Variants in ATP9B observed in about 807,000 individuals in gnomAD.
The protein encoded by ATP9B is probable phospholipid-transporting ATPase IIB.
Under a neutral mutation model 146.1 loss-of-function variants are expected in ATP9B, and 110 were observed. That is an observed-to-expected ratio of 0.75 (90% CI 0.65 to 0.88). The LOEUF is 0.88. ATP9B is among the 40% of genes least tolerant of loss of function. The pLI is 0.00. For missense variants in ATP9B, 1,499 were observed against 1,496.4 expected, an observed-to-expected ratio of 1.00 and a Z score of -0.03; for synonymous variants, 604 against 569.7, an observed-to-expected ratio of 1.06 and a Z score of -0.86.
chr18:79,314,008 C>T (rs1449556286), intron 15 of ATP9B, among the ~76,000 whole-genome samples: 1 of 152,116 alleles, frequency 6.6e-6, no homozygotes, highest in Non-Finnish European at 1.5e-5. Context: ...GTTAGGTTGA[C>T]GGATGATAGT....
rs530812497 is a variant in ATP9B at position 79,122,598 on chromosome 18, T to C, written c.559-3669T>C. 2.6e-3 allele frequency among the ~76,000 whole-genome samples: 393 copies of C among 152,352 alleles called. 3 individuals carry two copies. The highest frequency in any genetic ancestry group is 4.0e-3 in the Non-Finnish European group (271 of 68,022). ...TTTTCATATTCATGCTGTGATCCTA[T>C]AATTTTTCCTTTAAGATAAGTTTCT... On this transcript the variant is annotated intron_variant, in intron 4 of 29. Coordinates refer to ENST00000426216, the MANE Select transcript of ATP9B (RefSeq NM_198531.5).
At chr18:79,345,719 T>C (rs2096882463) in intron 22 of ATP9B, 56 bp from the exon 23 acceptor site, 1 of 1,608,586 alleles carries the variant, frequency 6.2e-7, no homozygotes, top group Admixed American at 1.7e-5. Context: ...ATGGTAAAAA[T>C]GAAAAACGTG....
At chr18:79,151,902 T>C (rs998785450) in intron 6 of ATP9B, among the ~76,000 whole-genome samples, 4 of 152,140 alleles carry the variant, frequency 2.6e-5, no homozygotes, top group Non-Finnish European at 5.9e-5. Flanking sequence ...ACCTACAGAA[T>C]GGGAGAAAAT....
intron 4 of ATP9B, among the ~76,000 whole-genome samples, chr18:79,114,359 A>C (rs1188671868): frequency 6.6e-6 from 1 of 152,146 alleles, no homozygotes; most frequent in Non-Finnish European, 1.5e-5. Flanking sequence ...GTGAAAGAAG[A>C]GTGCAGTCCT....
intron 17 of ATP9B, among the ~76,000 whole-genome samples, chr18:79,333,176 G>T (rs1044190928): frequency 1.3e-5 from 2 of 152,174 alleles, no homozygotes; most frequent in Non-Finnish European, 2.9e-5. Flanking sequence ...GTTTCCAAAT[G>T]TGCGGCTGTG....
chr18:79,160,103 A>G (rs1416390980), intron 7 of ATP9B, among the ~76,000 whole-genome samples: 1 of 152,146 alleles, frequency 6.6e-6, no homozygotes, highest in African/African-American at 2.4e-5. Flanking sequence ...TTGTTGCTCC[A>G]TTACTGCCTT....
At chr18:79,196,931 G>A (rs1462701000) in intron 9 of ATP9B, among the ~76,000 whole-genome samples, 3 of 152,180 alleles carry the variant, frequency 2.0e-5, no homozygotes, top group African/African-American at 7.2e-5. Flanking sequence ...AGTGGGTCAG[G>A]TGGACAGAAA....
intron 26 of ATP9B, among the ~76,000 whole-genome samples, chr18:79,368,247 G>T (rs1600445350): frequency 6.6e-6 from 1 of 152,372 alleles, no homozygotes; most frequent in South Asian, 2.1e-4. Flanking sequence ...TAGGATAGAT[G>T]AACAGAATTG....
chr18:79,126,251 T>G lies in ATP9B; in HGVS notation c.559-16T>G, dbSNP rs768262559. ...TAAAGTTTAGTTTTCTAAAAATACC[T>G]TATTTTGTTTTATAGGGATTTGTCT... On this transcript the variant is annotated splice_polypyrimidine_tract_variant and intron_variant, in intron 4 of 29. Coordinates refer to ENST00000426216, the MANE Select transcript of ATP9B (RefSeq NM_198531.5). 6.4e-7 allele frequency: 1 copy of G among 1,574,594 alleles called. No homozygotes were observed. Among genetic ancestry groups the G allele is most frequent in the Admixed American group, 1.8e-5 (1 of 55,078 alleles).
chr18:79,119,681 T>C (rs2094154653), intron 4 of ATP9B, among the ~76,000 whole-genome samples: 1 of 152,232 alleles, frequency 6.6e-6, no homozygotes, highest in Admixed American at 6.5e-5. Context: ...AGTATCATAT[T>C]GTTCGATCTG....
intron 1 of ATP9B, among the ~76,000 whole-genome samples, chr18:79,072,901 T>G (rs1414536132): frequency 6.8e-6 from 1 of 148,004 alleles, no homozygotes; most frequent in Non-Finnish European, 1.5e-5. Context: ...GAGATGCTCC[T>G]CACCTCCCAG....
intron 11 of ATP9B, among the ~76,000 whole-genome samples, chr18:79,237,965 C>A (rs937841875): frequency 6.6e-6 from 1 of 152,140 alleles, no homozygotes; most frequent in Non-Finnish European, 1.5e-5. Context: ...ATTGGAATTA[C>A]AGATGTGAGC....
At chr18:79,178,795 T>C (rs1600207916) in intron 8 of ATP9B, among the ~76,000 whole-genome samples, 1 of 152,342 alleles carries the variant, frequency 6.6e-6, no homozygotes, top group Admixed American at 6.5e-5. Context: ...TGTTTTGTGC[T>C]GATGTTCATG....
At chr18:79,325,185 T>C (rs1400857168) in intron 15 of ATP9B, among the ~76,000 whole-genome samples, 1 of 152,088 alleles carries the variant, frequency 6.6e-6, no homozygotes, top group Admixed American at 6.5e-5. Flanking sequence ...GCTGGTACTC[T>C]CCCTGGAAAT....
chr18:79,102,457 A>G (rs629183), intron 2 of ATP9B, among the ~76,000 whole-genome samples: 58,808 of 151,964 alleles, frequency 0.39, 11,808 homozygotes, highest in East Asian at 0.52. Context: ...ACATGAGCGG[A>G]GCTGTCTGTG....
At chr18:79,276,767 A>G (rs1423149991) in intron 12 of ATP9B, among the ~76,000 whole-genome samples, 1 of 152,268 alleles carries the variant, frequency 6.6e-6, no homozygotes, top group Non-Finnish European at 1.5e-5. Context: ...ATGTCAGTAA[A>G]TACATTTATT....
Position 79,306,973 on chromosome 18 carries a change from T to C in ATP9B, c.1525-13T>C. 1 of 1,613,288 alleles carries C rather than the reference T, an allele frequency of 6.2e-7. No homozygotes were observed. Among genetic ancestry groups the C allele is most frequent in the Non-Finnish European group, 8.5e-7 (1 of 1,179,338 alleles). On this transcript the variant is annotated splice_polypyrimidine_tract_variant and intron_variant, in intron 14 of 29. Coordinates refer to ENST00000426216, the MANE Select transcript of ATP9B (RefSeq NM_198531.5). ...GCTCTATCTTTAATTATGTGACGTTTCATATTCTAAAGATGCAGTCTCAAG... is the reference window on the plus strand; with the variant it reads ...GCTCTATCTTTAATTATGTGACGTTCCATATTCTAAAGATGCAGTCTCAAG...
At chr18:79,328,513 C>G (rs1454737895) in intron 15 of ATP9B, among the ~76,000 whole-genome samples, 1 of 152,146 alleles carries the variant, frequency 6.6e-6, no homozygotes, top group Non-Finnish European at 1.5e-5. Flanking sequence ...GGCCATTTTT[C>G]CACATGACAG....
chr18:79,327,577 G>T (rs1348466490), intron 15 of ATP9B, among the ~76,000 whole-genome samples: 1 of 139,850 alleles, frequency 7.2e-6, no homozygotes, highest in Non-Finnish European at 1.5e-5. Flanking sequence ...TGGTTAGCGT[G>T]CTCTCCGTGG....
Sources: gnomAD v4.1 joint callset for allele counts (sites outside exome capture counted in the v4.1 genomes callset) on GRCh38, gnomAD v4.1.1 for gene constraint, MANE v1.5 for transcripts, NCBI Gene and HGNC (gene_info 2026-07-23, HGNC 2026-07-21) for gene names.